Variants in SPNS2 observed in about 807,000 individuals in gnomAD.
SPNS2 encodes the protein SPNS lysolipid transporter 2, sphingosine-1-phosphate, also known as sphingosine-1-phosphate transporter SPNS2.
Under a neutral mutation model 57.6 loss-of-function variants are expected in SPNS2, and 37 were observed. That is an observed-to-expected ratio of 0.64 (90% confidence interval 0.49 to 0.85). The LOEUF (loss-of-function observed/expected upper bound fraction) is 0.85, where lower values mean the gene tolerates loss of function less well. Ranked by LOEUF, SPNS2 falls within the 40% of genes least tolerant of loss-of-function variation. The probability of loss-of-function intolerance (pLI) is 0.00; values close to 1 mark genes in which losing one functional copy is unlikely to be tolerated. For synonymous variants in SPNS2, 440 were observed against 346.9 expected, an observed-to-expected ratio of 1.27 and a Z score of -2.98; for missense variants, 831 against 779.1, an observed-to-expected ratio of 1.07 and a Z score of -0.79.
intron 9 of SPNS2, 36 bp downstream of exon 9, chr17:4,533,889 G>C: frequency 6.7e-7 from 1 of 1,496,324 alleles, no homozygotes; most frequent in Non-Finnish European, 9.1e-7. Context: ...TTGTGCTGCT[G>C]ACCCAGGCCT....
At position 4,512,246 on chromosome 17, in the gene SPNS2, T is replaced by C. The variant is rs1904847901; in HGVS notation, c.371-1001T>C. ...GCAGATGTGCTATGGTCAGCGGGGCTCTGGCCTGTGCCCTGGGTCCTCCTG... is the reference window on the plus strand; with the variant it reads ...GCAGATGTGCTATGGTCAGCGGGGCCCTGGCCTGTGCCCTGGGTCCTCCTG... On this transcript the variant is annotated intron_variant, in intron 1 of 12. Coordinates refer to ENST00000329078, the MANE Select transcript of SPNS2 (RefSeq NM_001124758.3). The surrounding 1 kb of genome is among the most constrained non-coding windows in gnomAD (Gnocchi z 5.2). Among the ~76,000 whole-genome samples the C allele has an allele frequency of 6.6e-6, 1 of 152,190 alleles. No homozygotes were observed. The highest frequency in any genetic ancestry group is 1.5e-5 in the Non-Finnish European group (1 of 68,044).
chr17:4,511,048 A>T lies in SPNS2; in HGVS notation c.371-2199A>T, dbSNP rs1904817143. ...CACAGATAGTGAGGACAGCGTCTGT[A>T]CCATCTTCAAAGCCTCACGCAGTTC... On this transcript the variant is annotated intron_variant, in intron 1 of 12. Coordinates refer to ENST00000329078, the MANE Select transcript of SPNS2 (RefSeq NM_001124758.3). The surrounding 1 kb of genome is among the most constrained non-coding windows in gnomAD (Gnocchi z 4.6). Among the ~76,000 whole-genome samples the T allele has an allele frequency of 6.6e-6, 1 of 152,244 alleles. No individual in the cohort carries two copies. Among genetic ancestry groups the T allele is most frequent in the Non-Finnish European group, 1.5e-5 (1 of 68,056 alleles).
chr17:4,515,800 C>A (rs1206800037), intron 2 of SPNS2, among the ~76,000 whole-genome samples: 1 of 151,606 alleles, frequency 6.6e-6, no homozygotes, highest in Non-Finnish European at 1.5e-5. Context: ...ATTTGTGGCA[C>A]CAGGGGCTGC....
At chr17:4,536,689 CCT>C in intron 11 of SPNS2, 1 of 634,936 alleles carries the variant, frequency 1.6e-6, no homozygotes. Context: ...CCCTCCCCTT[CCT>C]CTTACTTTCT....
rs369356916 is a variant in SPNS2 at position 4,513,347 on chromosome 17, A to G, written c.436+35A>G. 6.2e-6 allele frequency: 10 copies of G among 1,609,960 alleles called. No homozygotes were observed. The African/African-American group carries it at 6.7e-5, about 11-fold the overall frequency. Reference sequence around the variant, plus strand: ...ACCTCCCACCTTCCCCCCCACGCCCAGGCGTTGGCGTCGTGGGTCCTGTCC... The same window carrying G: ...ACCTCCCACCTTCCCCCCCACGCCCGGGCGTTGGCGTCGTGGGTCCTGTCC... On this transcript the variant is annotated intron_variant, in intron 2 of 12. Transcript: ENST00000329078.
chr17:4,533,182 G>A, intron 7 of SPNS2, 53 bp downstream of exon 7: 3 of 1,580,484 alleles, frequency 1.9e-6, no homozygotes, highest in Non-Finnish European at 2.6e-6. Context: ...GGACAGGAGA[G>A]CCCCTCAGCC....
intron 9 of SPNS2, chr17:4,534,285 T>A (rs1905656114): frequency 4.1e-6 from 1 of 243,776 alleles, no homozygotes; most frequent in African/African-American, 2.2e-5. Context: ...GGGCCAACAA[T>A]GGGCTCTAGC....
At chr17:4,525,233 G>C in intron 3 of SPNS2, 40 bp downstream of exon 3, 1 of 1,605,408 alleles carries the variant, frequency 6.2e-7, no homozygotes, top group Non-Finnish European at 8.5e-7. Flanking sequence ...CCTGTGTCCT[G>C]GTCCCTCCAG....
chr17:4,535,607 C>T (rs1000501475), intron 9 of SPNS2, among the ~76,000 whole-genome samples: 3 of 152,062 alleles, frequency 2.0e-5, no homozygotes, highest in Non-Finnish European at 4.4e-5. Flanking sequence ...CTCCGAGGCT[C>T]GGAGGGCTCT....
Position 4,511,453 on chromosome 17 carries a change from C to T in SPNS2, c.371-1794C>T, listed in dbSNP as rs1005620686. On this transcript the variant is annotated intron_variant, in intron 1 of 12. Transcript: ENST00000329078. This position sits in a 1 kb window ranked among gnomAD's most constrained non-coding sequence, Gnocchi z 4.6. ...GGCGGGGCTGGCAGGGCCACACCTT[C>T]ACCCTGTGAAGTGACTGTGCCACAG... is the stretch of plus-strand genomic sequence containing the variant. 3.3e-5 allele frequency among the ~76,000 whole-genome samples: 5 copies of T among 152,212 alleles called. No individual in the cohort carries two copies. The highest frequency in any genetic ancestry group is 3.8e-4 in the East Asian group (2 of 5,204).
chr17:4,535,366 C>T (rs931373359), intron 9 of SPNS2, among the ~76,000 whole-genome samples: 12 of 152,174 alleles, frequency 7.9e-5, no homozygotes, highest in African/African-American at 2.9e-4. Context: ...CCAGTCGAGG[C>T]CTGGCTTGGT....
chr17:4,509,771 C>T (rs942212693), intron 1 of SPNS2, among the ~76,000 whole-genome samples: 1 of 152,246 alleles, frequency 6.6e-6, no homozygotes, highest in Non-Finnish European at 1.5e-5. Flanking sequence ...GTGATGAGAA[C>T]CCTGTGGCTA....
intron 1 of SPNS2, among the ~76,000 whole-genome samples, chr17:4,503,912 G>C (rs1904600655): frequency 6.6e-6 from 1 of 152,096 alleles, no homozygotes; most frequent in African/African-American, 2.4e-5. Context: ...GGGACTTGGG[G>C]GCTTCCCCAG....
chr17:4,525,330 G>A (rs969583855), intron 3 of SPNS2, 137 bp downstream of exon 3: 2 of 1,266,754 alleles, frequency 1.6e-6, no homozygotes, highest in African/African-American at 3.0e-5. Flanking sequence ...TCCCAGTGCA[G>A]AAGGACAGGT....
chr17:4,524,648 C>T (rs748682948), intron 2 of SPNS2, among the ~76,000 whole-genome samples: 2 of 152,166 alleles, frequency 1.3e-5, no homozygotes, highest in Non-Finnish European at 2.9e-5. Flanking sequence ...TGTGCCACGG[C>T]ACTCCAGCCT....
At chr17:4,529,664 C>CCATCTGAA (rs1305604407) in intron 3 of SPNS2, among the ~76,000 whole-genome samples, 32 of 149,334 alleles carry the variant, frequency 2.1e-4, no homozygotes, top group Admixed American at 1.3e-3. Context: ...GAGGAAGACT[C>CCATCTGAA]CATCTGAAAA....
At chr17:4,504,311 G>A (rs1264131684) in intron 1 of SPNS2, among the ~76,000 whole-genome samples, 2 of 152,262 alleles carry the variant, frequency 1.3e-5, no homozygotes, top group African/African-American at 2.4e-5. Context: ...TAGAATGTCA[G>A]CGCCCTTGTG....
intron 2 of SPNS2, among the ~76,000 whole-genome samples, chr17:4,520,413 GT>G (rs1905109840): frequency 6.6e-6 from 1 of 152,160 alleles, no homozygotes; most frequent in Non-Finnish European, 1.5e-5. Context: ...TCTGGCGAAG[GT>G]CTGGGTCACG....
chr17:4,501,886 C>T (rs1904522894), intron 1 of SPNS2, among the ~76,000 whole-genome samples: 1 of 152,176 alleles, frequency 6.6e-6, no homozygotes, highest in African/African-American at 2.4e-5. Context: ...CACTCTCCTT[C>T]TTTAACTCTG....
Sources: allele counts gnomAD v4.1 joint callset (sites outside exome capture counted in the v4.1 genomes callset), GRCh38; gene constraint gnomAD v4.1.1; non-coding constraint Gnocchi (gnomAD v3.1); transcripts MANE v1.5; gene names NCBI Gene and HGNC (gene_info 2026-07-23, HGNC 2026-07-21).